The following FAM185A variants were observed in gnomAD, a reference collection of about 807,000 sequenced individuals.
FAM185A encodes protein FAM185A.
FAM185A carries 21 observed loss-of-function variants against 45.7 expected under a neutral mutation model. That is an observed-to-expected ratio of 0.46 (90% confidence interval 0.33 to 0.66). FAM185A has a LOEUF of 0.66. FAM185A is among the 30% of genes least tolerant of loss of function. FAM185A has a pLI of 0.03. For synonymous variants in FAM185A, 117 were observed against 194.0 expected, an observed-to-expected ratio of 0.60 and a Z score of 3.30; for missense variants, 305 against 485.4, an observed-to-expected ratio of 0.63 and a Z score of 3.49.
chr7:102,838,024 G>T, the FAM185A span, among the ~76,000 whole-genome samples: 1 of 152,238 alleles, frequency 6.6e-6, no homozygotes, highest in South Asian at 2.1e-4. Context: ...CAGCACAGGA[G>T]TGAGGAGAAT....
the FAM185A span, among the ~76,000 whole-genome samples, chr7:102,835,472 C>T: frequency 6.6e-6 from 1 of 152,210 alleles, no homozygotes; most frequent in Non-Finnish European, 1.5e-5. Context: ...CTTTCCCAAA[C>T]ATCATATTAG....
chr7:102,799,303 A>G (rs927352817), intron 7 of FAM185A, among the ~76,000 whole-genome samples: 1 of 152,116 alleles, frequency 6.6e-6, no homozygotes, highest in Non-Finnish European at 1.5e-5. Context: ...AGAGAAGAAG[A>G]GGGAAAAAGC....
chr7:102,810,203 A>G (rs1287029181), downstream of FAM185A, among the ~76,000 whole-genome samples: 1 of 152,166 alleles, frequency 6.6e-6, no homozygotes. Flanking sequence ...CGCTTGGATT[A>G]TATTTTTTAT....
chr7:102,832,903 A>G, the FAM185A span: 8 of 1,614,112 alleles, frequency 5.0e-6, no homozygotes, highest in African/African-American at 1.1e-4. Context: ...GTGCTTTGAT[A>G]ATCATATCTG....
intron 4 of FAM185A, among the ~76,000 whole-genome samples, chr7:102,771,437 T>C (rs1239951440): frequency 6.6e-6 from 1 of 152,212 alleles, no homozygotes; most frequent in African/African-American, 2.4e-5. Context: ...TCCTTGTTCA[T>C]ATACTCACAA....
At chr7:102,812,915 T>C (rs903463473), downstream of FAM185A, among the ~76,000 whole-genome samples, 2 of 150,434 alleles carry the variant, frequency 1.3e-5, no homozygotes, top group African/African-American at 4.9e-5. Flanking sequence ...TGATCTAGGC[T>C]CACTGCAACC....
intron 4 of FAM185A, among the ~76,000 whole-genome samples, chr7:102,766,927 C>G (rs1465741665): frequency 6.6e-6 from 1 of 152,034 alleles, no homozygotes; most frequent in African/African-American, 2.4e-5. Flanking sequence ...TCCCAAGTAG[C>G]TGGGATTAAG....
At chr7:102,784,429 C>A (rs1209025076) in intron 6 of FAM185A, among the ~76,000 whole-genome samples, 1 of 152,154 alleles carries the variant, frequency 6.6e-6, no homozygotes, top group East Asian at 1.9e-4. Flanking sequence ...ATGCAAAAAT[C>A]CTCAATAAAA....
the FAM185A span, among the ~76,000 whole-genome samples, chr7:102,833,424 T>C: frequency 2.0e-5 from 3 of 151,040 alleles, no homozygotes; most frequent in African/African-American, 7.3e-5. Flanking sequence ...ACTATCTTTC[T>C]GAGCCTGTTT....
At chr7:102,839,604 C>A in the FAM185A span, among the ~76,000 whole-genome samples, 1 of 152,058 alleles carries the variant, frequency 6.6e-6, no homozygotes, top group Non-Finnish European at 1.5e-5. Context: ...TCTGCCACCA[C>A]GCCCAGCTAA....
At chr7:102,825,582 T>C in the FAM185A span, among the ~76,000 whole-genome samples, 1 of 152,158 alleles carries the variant, frequency 6.6e-6, no homozygotes, top group African/African-American at 2.4e-5. Context: ...TAAGACAGGG[T>C]ATGACCACTT....
rs573103906 is a variant in FAM185A, at chr7:102,758,489, A to T, written c.654+543A>T. ...TAGCTATTGGGATTTTTGTTGTTAT[A>T]GGAAGATAGTTGGTATTTTTTAATC... On this transcript the variant is annotated intron_variant, in intron 3 of 7. Transcript: ENST00000413034. 1.6e-4 allele frequency among the ~76,000 whole-genome samples: 20 copies of T among 122,072 alleles called. 1 individual carries two copies. The South Asian group carries it at 5.5e-3, about 34-fold the overall frequency. 80.1% of individuals were successfully genotyped at this position (122,072 alleles called of 152,430 possible). A position where few individuals can be genotyped will look rare whatever the true frequency, so the allele number is the denominator to read the frequency against.
the FAM185A span, among the ~76,000 whole-genome samples, chr7:102,840,491 T>C: frequency 6.6e-6 from 1 of 151,994 alleles, no homozygotes; most frequent in East Asian, 1.9e-4. Context: ...CCAGAAAGAG[T>C]TGATGGGTGT....
intron 6 of FAM185A, among the ~76,000 whole-genome samples, chr7:102,783,498 A>T (rs1347507083): frequency 1.3e-5 from 2 of 152,156 alleles, no homozygotes; most frequent in African/African-American, 4.8e-5. Context: ...TAAGAAACTC[A>T]CTCAAAACCA....
At chr7:102,775,503 C>T (rs1795005415) in intron 5 of FAM185A, among the ~76,000 whole-genome samples, 1 of 152,022 alleles carries the variant, frequency 6.6e-6, no homozygotes. Flanking sequence ...TTTTAACATC[C>T]TCCAAGGGAT....
At chr7:102,765,659 A>T (rs565706974) in intron 4 of FAM185A, among the ~76,000 whole-genome samples, 2 of 152,176 alleles carry the variant, frequency 1.3e-5, no homozygotes, top group East Asian at 3.9e-4. Flanking sequence ...TTCAAGTGAA[A>T]TTTTTAAGTA....
intron 4 of FAM185A, among the ~76,000 whole-genome samples, chr7:102,764,969 C>T (rs1378306800): frequency 6.6e-6 from 1 of 152,274 alleles, no homozygotes; most frequent in Non-Finnish European, 1.5e-5. Flanking sequence ...TGAAAGCAAA[C>T]ATGTATTGAG....
chr7:102,752,652 A>T (rs1397534872), intron 2 of FAM185A, among the ~76,000 whole-genome samples: 1 of 149,956 alleles, frequency 6.7e-6, no homozygotes, highest in African/African-American at 2.5e-5. Context: ...TCTTGCACTC[A>T]TGGGCTCAAG....
chr7:102,845,432 T>A, the FAM185A span, among the ~76,000 whole-genome samples: 3 of 152,254 alleles, frequency 2.0e-5, no homozygotes, highest in South Asian at 6.2e-4. Context: ...ATATATATAT[T>A]TCCTATAAAT....
Sources: gnomAD v4.1 joint callset for allele counts (sites outside exome capture counted in the v4.1 genomes callset) on GRCh38, gnomAD v4.1.1 for gene constraint, MANE v1.5 for transcripts, NCBI Gene and HGNC (gene_info 2026-07-23, HGNC 2026-07-21) for gene names.